DOCK2: variants seen among roughly 807,000 people sequenced by gnomAD.
The protein encoded by DOCK2 is dedicator of cytokinesis protein 2.
Under a neutral mutation model 248.9 loss-of-function variants are expected in DOCK2, and 87 were observed. The ratio of observed to expected loss-of-function variants is 0.35; its 90% CI spans 0.29 to 0.42. The LOEUF is 0.42. Among genes scored for constraint, DOCK2 ranks in the 10% least tolerant of loss-of-function variants. The probability of loss-of-function intolerance (pLI) is 1.00; values close to 1 mark genes in which losing one functional copy is unlikely to be tolerated. For synonymous variants in DOCK2, 805 were observed against 821.6 expected (o/e 0.98, Z 0.35); for missense variants, 1,747 against 2,300.2 (o/e 0.76, Z 4.92).
intron 33 of DOCK2, among the ~76,000 whole-genome samples, chr5:170,022,126 T>C (rs778055067): frequency 2.0e-5 from 3 of 152,228 alleles, no homozygotes; most frequent in Non-Finnish European, 4.4e-5. Flanking sequence ...CTCTAGCTCT[T>C]ATGCCTTTGT....
intron 27 of DOCK2, among the ~76,000 whole-genome samples, chr5:169,900,894 A>G (rs1445972049): frequency 6.6e-6 from 1 of 152,214 alleles, no homozygotes; most frequent in Non-Finnish European, 1.5e-5. Context: ...ATCGATTAGG[A>G]GTTCACCATA....
chr5:170,080,113 T>C (rs1757974922), intron 49 of DOCK2, 50 bp from the exon 50 acceptor site: 1 of 1,607,808 alleles, frequency 6.2e-7, no homozygotes, highest in South Asian at 1.1e-5. Flanking sequence ...TGCCTCATGC[T>C]AAGCCTCTGT....
rs1445450503 is a variant in DOCK2 at position 170,018,555 on chromosome 5, GT to G, written c.3233-404del. On this transcript the variant is annotated intron_variant, in intron 32 of 51. Coordinates refer to ENST00000520908, the MANE Select transcript of DOCK2 (RefSeq NM_004946.3). Reference sequence around the variant, plus strand: ...CTTTTCTCATTTCATAAAACAGTTGGTAAAATCCCATTTAAAAACTCTCAGC... The same window carrying G: ...CTTTTCTCATTTCATAAAACAGTTGGAAAATCCCATTTAAAAACTCTCAGC... Among the ~76,000 whole-genome samples, 4 of 152,110 alleles carry G rather than the reference GT, an allele frequency of 2.6e-5. No homozygotes were observed. In the East Asian group the frequency reaches 5.8e-4, roughly 22 times the overall value.
At chr5:169,766,843 C>CT (rs1764823499) in intron 25 of DOCK2, among the ~76,000 whole-genome samples, 1 of 152,200 alleles carries the variant, frequency 6.6e-6, no homozygotes, top group African/African-American at 2.4e-5. Context: ...TCTCAGCTCA[C>CT]TGAAACCCCC....
chr5:169,638,805 C>A (rs1284340581), intron 1 of DOCK2, among the ~76,000 whole-genome samples: 5 of 152,114 alleles, frequency 3.3e-5, no homozygotes, highest in Non-Finnish European at 7.4e-5. Context: ...GTATTATTCC[C>A]AACTTACAGG....
chr5:169,681,595 A>G lies in DOCK2; in HGVS notation c.471-149A>G, dbSNP rs186261140. On this transcript the variant is annotated intron_variant, in intron 6 of 51. Transcript: ENST00000520908. ...GGGTCTACTATACCAATATGTGCTCACTAGCAGTGTCCCAGGCTATCAGTG... is the reference window on the plus strand; with the variant it reads ...GGGTCTACTATACCAATATGTGCTCGCTAGCAGTGTCCCAGGCTATCAGTG... The G allele has an allele frequency of 3.1e-5, 28 of 909,948 alleles. No individual in the cohort carries two copies. The Admixed American group carries it at 4.1e-4, about 13-fold the overall frequency. 56.4% of individuals were successfully genotyped at this position (909,948 alleles called of 1,614,324 possible). A position where few individuals can be genotyped will look rare whatever the true frequency, so the allele number is the denominator to read the frequency against.
intron 47 of DOCK2, among the ~76,000 whole-genome samples, chr5:170,077,158 G>A (rs576373334): frequency 1.3e-5 from 2 of 152,308 alleles, no homozygotes; most frequent in East Asian, 1.9e-4. Context: ...AAGTTTCCAC[G>A]TATTCCAGAT....
chr5:169,698,478 T>C (rs757641729), intron 11 of DOCK2, 29 bp downstream of exon 11: 1 of 1,611,468 alleles, frequency 6.2e-7, no homozygotes, highest in South Asian at 1.1e-5. Flanking sequence ...CTTTCCATTC[T>C]CTTCAACCAC....
At chr5:170,039,590 C>G (rs1208246505) in intron 36 of DOCK2, among the ~76,000 whole-genome samples, 2 of 152,244 alleles carry the variant, frequency 1.3e-5, no homozygotes, top group Non-Finnish European at 2.9e-5. Flanking sequence ...GTGACCTTTC[C>G]TCGCCTCAAA....
At chr5:169,648,554 G>T (rs965523696) in intron 1 of DOCK2, among the ~76,000 whole-genome samples, 1 of 152,298 alleles carries the variant, frequency 6.6e-6, no homozygotes, top group Non-Finnish European at 1.5e-5. Context: ...CTCGTGAGAG[G>T]CGATGTGAGT....
intron 22 of DOCK2, among the ~76,000 whole-genome samples, chr5:169,725,752 C>T (rs528178127): frequency 3.0e-4 from 45 of 151,680 alleles, no homozygotes; most frequent in Middle Eastern, 3.4e-3. Context: ...TGAGAACATG[C>T]GGTGTTTGGT....
intron 27 of DOCK2, among the ~76,000 whole-genome samples, chr5:169,922,622 G>A (rs1775235943): frequency 6.6e-6 from 1 of 152,190 alleles, no homozygotes; most frequent in African/African-American, 2.4e-5. Flanking sequence ...TAAGCTGGTG[G>A]AGTTACCTCA....
At chr5:169,863,784 T>C (rs1298176861) in intron 27 of DOCK2, among the ~76,000 whole-genome samples, 2 of 152,252 alleles carry the variant, frequency 1.3e-5, no homozygotes, top group African/African-American at 4.8e-5. Context: ...TTATTATGTA[T>C]GCTGATATCT....
intron 27 of DOCK2, among the ~76,000 whole-genome samples, chr5:169,926,848 C>T (rs1581428352): frequency 1.3e-5 from 2 of 152,230 alleles, no homozygotes; most frequent in South Asian, 2.1e-4. Flanking sequence ...TAGACAATGT[C>T]CCTCCCTCTA....
chr5:169,774,893 T>TTTTTTG (rs150359255), intron 25 of DOCK2, among the ~76,000 whole-genome samples: 3,135 of 150,836 alleles, frequency 0.021, 52 homozygotes, highest in Middle Eastern at 0.048. Flanking sequence ...ATGACTGTTT[T>TTTTTTG]TTGTTGTTGT....
At chr5:169,655,278 CCTG>C (rs1758042301) in intron 2 of DOCK2, among the ~76,000 whole-genome samples, 2 of 152,294 alleles carry the variant, frequency 1.3e-5, no homozygotes, top group East Asian at 3.9e-4. Flanking sequence ...GCTGATACCT[CCTG>C]CTGCATGGAG....
intron 14 of DOCK2, among the ~76,000 whole-genome samples, chr5:169,703,410 A>C (rs1761087612): frequency 6.6e-6 from 1 of 152,232 alleles, no homozygotes; most frequent in Non-Finnish European, 1.5e-5. Flanking sequence ...ATAGGGAAAC[A>C]AAACCCGTGT....
chr5:169,878,072 C>T (rs1772431556), intron 27 of DOCK2, among the ~76,000 whole-genome samples: 1 of 152,148 alleles, frequency 6.6e-6, no homozygotes, highest in Non-Finnish European at 1.5e-5. Flanking sequence ...TCTCTGTAAT[C>T]AAAGACCTCT....
intron 27 of DOCK2, among the ~76,000 whole-genome samples, chr5:169,861,091 A>G (rs1771169744): frequency 6.6e-6 from 1 of 152,190 alleles, no homozygotes; most frequent in African/African-American, 2.4e-5. Flanking sequence ...CTCTCCATTT[A>G]TTCATGCTGC....
Sources: allele counts gnomAD v4.1 joint callset (sites outside exome capture counted in the v4.1 genomes callset), GRCh38; gene constraint gnomAD v4.1.1; transcripts MANE v1.5; gene names NCBI Gene and HGNC (gene_info 2026-07-23, HGNC 2026-07-21).